The following ST8SIA6 variants were observed in gnomAD, a reference collection of about 807,000 sequenced individuals.
ST8SIA6 encodes ST8 alpha-N-acetyl-neuraminide alpha-2,8-sialyltransferase 6, also known as alpha-2,8-sialyltransferase 8F.
ST8SIA6 carries 39 observed loss-of-function variants against 33.6 expected under a neutral mutation model. The ratio of observed to expected loss-of-function variants is 1.16; its 90% CI spans 0.90 to 1.52. ST8SIA6 has a LOEUF of 1.52. Among genes scored for constraint, ST8SIA6 ranks in the 40% most tolerant of loss-of-function variants. ST8SIA6 has a pLI of 0.00. For synonymous variants in ST8SIA6, 172 were observed against 167.2 expected, an observed-to-expected ratio of 1.03 and a Z score of -0.22; for missense variants, 441 against 443.8, an observed-to-expected ratio of 0.99 and a Z score of 0.06.
intron 3 of ST8SIA6, among the ~76,000 whole-genome samples, chr10:17,381,270 T>C (rs1428887359): frequency 1.3e-5 from 2 of 152,186 alleles, no homozygotes. Flanking sequence ...ATGTGCAAAC[T>C]TAAGGCTATT....
chr10:17,427,360 T>A (rs1851971014), intron 2 of ST8SIA6, among the ~76,000 whole-genome samples: 1 of 152,224 alleles, frequency 6.6e-6, no homozygotes, highest in South Asian at 2.1e-4. Context: ...GTGCTGCCAA[T>A]GCTGCTGGCC....
At chr10:17,406,754 G>T (rs918528337) in intron 2 of ST8SIA6, among the ~76,000 whole-genome samples, 3 of 151,094 alleles carry the variant, frequency 2.0e-5, no homozygotes, top group African/African-American at 7.3e-5. Flanking sequence ...TCCAGGGTAG[G>T]CCCTAATATT....
In ST8SIA6 at chr10:17,439,036, A is replaced by G. The variant is rs553940255; in HGVS notation, c.200+14523T>C. Among the ~76,000 whole-genome samples, 8 of 152,344 alleles carry G rather than the reference A, an allele frequency of 5.3e-5. No individual in the cohort carries two copies. The South Asian group carries it at 1.7e-3, about 32-fold the overall frequency. On this transcript the variant is annotated intron_variant, in intron 2 of 7. Coordinates refer to ENST00000377602, the MANE Select transcript of ST8SIA6 (RefSeq NM_001004470.3). ...CACAGCCTCCATAAGATGACATATTATGGCAAATAAAAAACACAAACCACC... is the reference window on the plus strand; with the variant it reads ...CACAGCCTCCATAAGATGACATATTGTGGCAAATAAAAAACACAAACCACC...
At chr10:17,358,108 T>A (rs1046158486) in intron 4 of ST8SIA6, among the ~76,000 whole-genome samples, 2 of 152,158 alleles carry the variant, frequency 1.3e-5, no homozygotes, top group African/African-American at 4.8e-5. Flanking sequence ...AAATATCAGA[T>A]AGGAAAGATG....
rs560238822 is a variant in ST8SIA6 at position 17,320,770 on chromosome 10, T to C, written c.*108A>G. On this transcript the variant is annotated 3_prime_UTR_variant, in exon 8 of 8. Coordinates refer to ENST00000377602, the MANE Select transcript of ST8SIA6 (RefSeq NM_001004470.3). ...GGGGAAGCTTTGGTCAAACCAAATT[T>C]TGGGGCTCATCTCAAAATACTCTTT... is the stretch of plus-strand genomic sequence containing the variant. The C allele has an allele frequency of 2.3e-5, 28 of 1,195,010 alleles. No homozygotes were observed. In the African/African-American group the frequency reaches 3.4e-4, roughly 14 times the overall value. 74.0% of individuals were successfully genotyped at this position (1,195,010 alleles called of 1,614,324 possible).
chr10:17,411,493 C>T (rs1396623232), intron 2 of ST8SIA6, among the ~76,000 whole-genome samples: 1 of 152,166 alleles, frequency 6.6e-6, no homozygotes, highest in East Asian at 1.9e-4. Flanking sequence ...CAGACTTGAA[C>T]TCTTGATTGC....
intron 4 of ST8SIA6, among the ~76,000 whole-genome samples, chr10:17,358,880 T>C (rs2131616865): frequency 6.6e-6 from 1 of 152,246 alleles, no homozygotes; most frequent in East Asian, 1.9e-4. Flanking sequence ...TGATCTATGA[T>C]ATGTGGAGGT....
chr10:17,401,535 A>G (rs1237437241), intron 2 of ST8SIA6, among the ~76,000 whole-genome samples: 1 of 152,214 alleles, frequency 6.6e-6, no homozygotes, highest in African/African-American at 2.4e-5. Context: ...AAATTATACT[A>G]CAAGGCTACA....
intron 2 of ST8SIA6, among the ~76,000 whole-genome samples, chr10:17,449,776 T>G (rs1320595932): frequency 6.6e-6 from 1 of 152,152 alleles, no homozygotes; most frequent in Non-Finnish European, 1.5e-5. Context: ...TGCAAATTTC[T>G]GGAACTGAGT....
intron 2 of ST8SIA6, among the ~76,000 whole-genome samples, chr10:17,442,812 C>G (rs1852549489): frequency 1.3e-5 from 2 of 152,154 alleles, no homozygotes; most frequent in Admixed American, 1.3e-4. Context: ...AAGCACACAA[C>G]TATAAACTCA....
chr10:17,344,107 C>G (rs1848760280), intron 4 of ST8SIA6, among the ~76,000 whole-genome samples: 1 of 152,206 alleles, frequency 6.6e-6, no homozygotes, highest in African/African-American at 2.4e-5. Context: ...GTCTTAATAG[C>G]TGTGTGCTCT....
intron 4 of ST8SIA6, among the ~76,000 whole-genome samples, chr10:17,348,713 C>T (rs746422009): frequency 4.6e-5 from 7 of 152,204 alleles, no homozygotes; most frequent in African/African-American, 9.7e-5. Context: ...CGCTTTTTGG[C>T]TTCAGTCCCA....
At chr10:17,399,913 G>C (rs931514568) in intron 2 of ST8SIA6, among the ~76,000 whole-genome samples, 20 of 119,188 alleles carry the variant, frequency 1.7e-4, no homozygotes, top group Non-Finnish European at 3.1e-4. Context: ...GGGAGATTCT[G>C]TCTCAAAAAA....
intron 2 of ST8SIA6, among the ~76,000 whole-genome samples, chr10:17,401,462 C>T (rs1292080637): frequency 2.6e-5 from 4 of 152,128 alleles, no homozygotes; most frequent in Admixed American, 1.3e-4. Context: ...AAAACGAGCC[C>T]GCATTGCCAA....
chr10:17,454,148 G>A lies in ST8SIA6; in HGVS notation c.101+7C>T. The A allele has an allele frequency of 1.1e-5, 3 of 274,664 alleles. No individual in the cohort carries two copies. The highest frequency in any genetic ancestry group is 2.0e-5 in the Non-Finnish European group (3 of 148,906). 17.0% of individuals were successfully genotyped at this position (274,664 alleles called of 1,614,324 possible). A position where few individuals can be genotyped will look rare whatever the true frequency, so the allele number is the denominator to read the frequency against. On this transcript the variant is annotated splice_region_variant and intron_variant, in intron 1 of 7. Transcript: ENST00000377602. The surrounding 1 kb of genome is among the most constrained non-coding windows in gnomAD (Gnocchi z 4.1). ...CGCGGGGCGCGGCCGGCGGGTGGGT[G>A]GGTTACCTGGCGCGGCCGGGCGCGT...
rs1490431146 is a variant in ST8SIA6 at position 17,316,867 on chromosome 10, A to T, written c.*4011T>A. On this transcript the variant is annotated 3_prime_UTR_variant, in exon 8 of 8. Coordinates refer to ENST00000377602, the MANE Select transcript of ST8SIA6 (RefSeq NM_001004470.3). ...TCTCTCTATTAATGTCATTAATTTTATGCATTACTAAAAGCTATTTCAGTC... is the reference window on the plus strand; with the variant it reads ...TCTCTCTATTAATGTCATTAATTTTTTGCATTACTAAAAGCTATTTCAGTC... Among the ~76,000 whole-genome samples the T allele has an allele frequency of 6.6e-6, 1 of 152,066 alleles. No homozygotes were observed. The highest frequency in any genetic ancestry group is 1.5e-5 in the Non-Finnish European group (1 of 67,992).
intron 2 of ST8SIA6, among the ~76,000 whole-genome samples, chr10:17,420,904 G>C (rs1022896402): frequency 6.6e-6 from 1 of 152,194 alleles, no homozygotes; most frequent in African/African-American, 2.4e-5. Context: ...TCTTCTAACA[G>C]GGCAGCAGGA....
chr10:17,438,443 T>C (rs1852360265), intron 2 of ST8SIA6, among the ~76,000 whole-genome samples: 1 of 152,082 alleles, frequency 6.6e-6, no homozygotes, highest in Non-Finnish European at 1.5e-5. Flanking sequence ...ATGGAGATTA[T>C]TCAAAGAGTC....
intron 4 of ST8SIA6, among the ~76,000 whole-genome samples, chr10:17,349,739 C>T (rs1399637303): frequency 2.0e-5 from 3 of 151,966 alleles, no homozygotes; most frequent in Non-Finnish European, 4.4e-5. Flanking sequence ...AATAAAATGC[C>T]TGAAACAAAC....
Sources: allele counts gnomAD v4.1 joint callset (sites outside exome capture counted in the v4.1 genomes callset), GRCh38; gene constraint gnomAD v4.1.1; non-coding constraint Gnocchi (gnomAD v3.1); transcripts MANE v1.5; gene names NCBI Gene and HGNC (gene_info 2026-07-23, HGNC 2026-07-21).